The following PDE2A variants were observed in gnomAD, a reference collection of about 807,000 sequenced individuals.
The protein encoded by PDE2A is cGMP-dependent 3',5'-cyclic phosphodiesterase.
Under a neutral mutation model 133.6 loss-of-function variants are expected in PDE2A, and 53 were observed. That is an observed-to-expected ratio of 0.40 (90% CI 0.32 to 0.50). The LOEUF is 0.50. PDE2A is among the 20% of genes least tolerant of loss of function. PDE2A has a pLI of 0.73. For missense variants in PDE2A, 796 were observed against 1,232.4 expected (o/e 0.65, Z 5.30); for synonymous variants, 491 against 490.2 (o/e 1.00, Z -0.02).
rs1430410262 is a variant in PDE2A, at chr11:72,606,446, T to C, written c.235-1220A>G. On this transcript the variant is annotated intron_variant, in intron 3 of 30. Transcript: ENST00000334456. ...ACAATCCTGCCAGCCACTCTTCTTG[T>C]CATCAGCTGTCGCCAGCCAGCCCCC... Among the ~76,000 whole-genome samples, 6 of 152,200 alleles carry C rather than the reference T, an allele frequency of 3.9e-5. No individual in the cohort carries two copies. In the East Asian group the frequency reaches 1.2e-3, roughly 29 times the overall value.
At position 72,598,631 on chromosome 11, in the gene PDE2A, G is replaced by C. The variant is rs559224262; in HGVS notation, c.324-1012C>G. ...GGCCTGGACAGAAGAGAAACTTGGG[G>C]AACTGTGTGCATACAGGGTCACTAA... On this transcript the variant is annotated intron_variant, in intron 4 of 30. Coordinates refer to ENST00000334456, the MANE Select transcript of PDE2A (RefSeq NM_002599.5). 7.8e-6 allele frequency: 10 copies of C among 1,289,124 alleles called. No homozygotes were observed. The African/African-American group carries it at 1.4e-4, about 18-fold the overall frequency. The allele number at this position is 1,289,124 out of a possible 1,614,324, so 79.9% of individuals were successfully genotyped here. A position where few individuals can be genotyped will look rare whatever the true frequency, so the allele number is the denominator to read the frequency against.
At chr11:72,662,566 G>C (rs1314987785) in intron 1 of PDE2A, among the ~76,000 whole-genome samples, 1 of 152,152 alleles carries the variant, frequency 6.6e-6, no homozygotes, top group African/African-American at 2.4e-5. Flanking sequence ...GGGTGCCATG[G>C]ATGAGTGCTC....
chr11:72,637,482 TCAGA>T (rs372973886), intron 2 of PDE2A, among the ~76,000 whole-genome samples: 1 of 152,362 alleles, frequency 6.6e-6, no homozygotes, highest in African/African-American at 2.4e-5. Context: ...CATGTGTGAC[TCAGA>T]CAGGAAGGGC....
At position 72,577,244 on chromosome 11, in the gene PDE2A, G is replaced by C; in HGVS notation, c.*140C>G. On this transcript the variant is annotated 3_prime_UTR_variant, in exon 31 of 31. Transcript: ENST00000334456. Reference sequence around the variant, plus strand: ...ATACAGACGAGAAAGCTGAGGCCCAGGAAGGTAGTACTTGTCCAGGGTCAC... The same window carrying C: ...ATACAGACGAGAAAGCTGAGGCCCACGAAGGTAGTACTTGTCCAGGGTCAC... 1.6e-6 allele frequency: 1 copy of C among 622,816 alleles called. No homozygotes were observed. The highest frequency in any genetic ancestry group is 2.8e-6 in the Non-Finnish European group (1 of 355,450). 38.6% of individuals were successfully genotyped at this position (622,816 alleles called of 1,614,324 possible). A position where few individuals can be genotyped will look rare whatever the true frequency, so the allele number is the denominator to read the frequency against.
At chr11:72,657,784 T>A (rs928571875) in intron 1 of PDE2A, 1 of 454,136 alleles carries the variant, frequency 2.2e-6, no homozygotes, top group Non-Finnish European at 4.4e-6. Context: ...GCTGTGCCCT[T>A]CCCTCAGCCT....
rs1858980231 is a variant in PDE2A at position 72,642,166 on chromosome 11, C to T, written c.144+88G>A. The T allele has an allele frequency of 2.2e-6, 3 of 1,348,134 alleles. No homozygotes were observed. In the South Asian group the frequency reaches 5.5e-5, roughly 25 times the overall value. The allele number at this position is 1,348,134 out of a possible 1,614,324, so 83.5% of individuals were successfully genotyped here. A position where few individuals can be genotyped will look rare whatever the true frequency, so the allele number is the denominator to read the frequency against. Reference sequence around the variant, plus strand: ...TCAGAACTAGAGGAGGGGTCTCCTCCCTGAGAAGGGTTCGGGGGCGGGCAG... The same window carrying T: ...TCAGAACTAGAGGAGGGGTCTCCTCTCTGAGAAGGGTTCGGGGGCGGGCAG... On this transcript the variant is annotated intron_variant, in intron 2 of 30. Transcript: ENST00000334456.
At chr11:72,583,630 C>A in intron 19 of PDE2A, 115 bp from the exon 20 acceptor site, 1 of 741,424 alleles carries the variant, frequency 1.3e-6, no homozygotes, top group Admixed American at 2.0e-5. Flanking sequence ...CCATTCTGGC[C>A]CCAGTCAAAA....
intron 4 of PDE2A, among the ~76,000 whole-genome samples, chr11:72,599,790 CA>C (rs1856654814): frequency 6.6e-6 from 1 of 152,180 alleles, no homozygotes; most frequent in African/African-American, 2.4e-5. Context: ...GCAGAGGGGT[CA>C]GACATATGCC....
intron 2 of PDE2A, among the ~76,000 whole-genome samples, chr11:72,615,406 G>A (rs1229328621): frequency 1.3e-5 from 2 of 152,142 alleles, no homozygotes; most frequent in Admixed American, 6.5e-5. Flanking sequence ...TTGCCTGCAC[G>A]ATCAGTTCCC....
intron 25 of PDE2A, 46 bp from the exon 26 acceptor site, chr11:72,579,654 C>T (rs1293216490): frequency 1.5e-6 from 2 of 1,353,168 alleles, no homozygotes; most frequent in Non-Finnish European, 2.1e-6. Context: ...CAGATGGGCT[C>T]CCTTACCATT....
chr11:72,650,019 CTT>C lies in PDE2A; in HGVS notation c.72-7695_72-7694del, dbSNP rs746774086. On this transcript the variant is annotated intron_variant, in intron 1 of 30. Transcript: ENST00000334456. ...GAGCAGTGCAGAGACAGCCCTGAGACTTTTTTTTTTTTTTTTTTTTAGATGGA... is the reference window on the plus strand; with the variant it reads ...GAGCAGTGCAGAGACAGCCCTGAGACTTTTTTTTTTTTTTTTTTAGATGGA... 8.9e-3 allele frequency among the ~76,000 whole-genome samples: 1,150 copies of C among 129,048 alleles called. 13 individuals are homozygous for C. The highest frequency in any genetic ancestry group is 0.029 in the African/African-American group (1,032 of 35,424). 84.7% of individuals were successfully genotyped at this position (129,048 alleles called of 152,430 possible). A position where few individuals can be genotyped will look rare whatever the true frequency, so the allele number is the denominator to read the frequency against.
intron 1 of PDE2A, among the ~76,000 whole-genome samples, chr11:72,651,207 G>A (rs1182452383): frequency 1.3e-5 from 2 of 152,198 alleles, no homozygotes; most frequent in South Asian, 2.1e-4. Flanking sequence ...AGAAGCCCAA[G>A]ATTCTAACAT....
intron 2 of PDE2A, among the ~76,000 whole-genome samples, chr11:72,620,786 G>A (rs1454100329): frequency 1.3e-5 from 2 of 152,030 alleles, no homozygotes; most frequent in African/African-American, 4.8e-5. Context: ...ACAGTGGTAA[G>A]GACGGCAGGG....
chr11:72,665,454 C>T (rs953466191), intron 1 of PDE2A, among the ~76,000 whole-genome samples: 2 of 150,494 alleles, frequency 1.3e-5, no homozygotes, highest in Non-Finnish European at 3.0e-5. Flanking sequence ...AATTTCCCTT[C>T]AGTTCTCCAG....
At chr11:72,672,102 T>C (rs1591153296) in intron 1 of PDE2A, among the ~76,000 whole-genome samples, 1 of 152,122 alleles carries the variant, frequency 6.6e-6, no homozygotes, top group Non-Finnish European at 1.5e-5. Flanking sequence ...TCTAGCCTCC[T>C]GGCCCCACCT....
At chr11:72,645,117 TG>T (rs1859097853) in intron 1 of PDE2A, among the ~76,000 whole-genome samples, 1 of 152,242 alleles carries the variant, frequency 6.6e-6, no homozygotes, top group Admixed American at 6.5e-5. Flanking sequence ...CTGGGGTCCC[TG>T]GTGTGTGCTC....
chr11:72,587,436 G>A (rs568734809), intron 13 of PDE2A, among the ~76,000 whole-genome samples: 3 of 152,268 alleles, frequency 2.0e-5, no homozygotes, highest in East Asian at 3.9e-4. Flanking sequence ...CCTGAAATGC[G>A]TGGGACACAG....
intron 2 of PDE2A, among the ~76,000 whole-genome samples, chr11:72,610,393 T>G (rs1857153059): frequency 6.6e-6 from 1 of 152,208 alleles, no homozygotes; most frequent in African/African-American, 2.4e-5. Context: ...GTGGGCTGAA[T>G]GCCTATTTGC....
chr11:72,672,532 A>G (rs1855408397), intron 1 of PDE2A, among the ~76,000 whole-genome samples: 2 of 152,076 alleles, frequency 1.3e-5, no homozygotes, highest in South Asian at 4.1e-4. Context: ...TCTCCCCTAT[A>G]TAAAACCTTT....
Sources: allele counts gnomAD v4.1 joint callset (sites outside exome capture counted in the v4.1 genomes callset), GRCh38; gene constraint gnomAD v4.1.1; transcripts MANE v1.5; gene names NCBI Gene and HGNC (gene_info 2026-07-23, HGNC 2026-07-21).